TAFA2: variants seen among roughly 807,000 people sequenced by gnomAD.
TAFA2 encodes the protein chemokine-like protein TAFA-2.
In TAFA2, 7 loss-of-function variants were observed where a neutral mutation model predicts 18.8. That is an observed-to-expected ratio of 0.37 (90% CI 0.21 to 0.70). The LOEUF (loss-of-function observed/expected upper bound fraction) is 0.70. Among genes scored for constraint, TAFA2 ranks in the 30% least tolerant of loss-of-function variants. The pLI, the probability that TAFA2 is intolerant of heterozygous loss-of-function variation, is 0.53. For synonymous variants in TAFA2, 60 were observed against 54.2 expected, an observed-to-expected ratio of 1.11 and a Z score of -0.47; for missense variants, 122 against 158.1, an observed-to-expected ratio of 0.77 and a Z score of 1.23.
intron 1 of TAFA2, among the ~76,000 whole-genome samples, chr12:62,119,536 T>A (rs1870104999): frequency 6.6e-6 from 1 of 152,182 alleles, no homozygotes; most frequent in African/African-American, 2.4e-5. Flanking sequence ...GCTCCACATA[T>A]CCACTTCTAT....
At chr12:61,934,683 A>G (rs928222378) in intron 1 of TAFA2, among the ~76,000 whole-genome samples, 1 of 152,236 alleles carries the variant, frequency 6.6e-6, no homozygotes, top group African/African-American at 2.4e-5. Context: ...CACTTGAAAG[A>G]GATGCTCTTC....
At chr12:61,717,156 G>T (rs921253980) in intron 4 of TAFA2, among the ~76,000 whole-genome samples, 4 of 152,172 alleles carry the variant, frequency 2.6e-5, no homozygotes, top group African/African-American at 9.6e-5. Context: ...GCAGTAGCAG[G>T]TTTTCTCATT....
At chr12:62,155,789 C>G (rs1476010304) in intron 1 of TAFA2, among the ~76,000 whole-genome samples, 2 of 152,122 alleles carry the variant, frequency 1.3e-5, no homozygotes, top group African/African-American at 4.8e-5. Flanking sequence ...ATACAAAAAT[C>G]AACTCAAGAT....
chr12:61,802,631 G>A (rs1325821358), intron 2 of TAFA2, among the ~76,000 whole-genome samples: 1 of 151,848 alleles, frequency 6.6e-6, no homozygotes, highest in Non-Finnish European at 1.5e-5. Flanking sequence ...ATGATAAGAA[G>A]AGGTTAGGCA....
In TAFA2 at chr12:62,235,314, G is replaced by A. The variant is rs77821926; in HGVS notation, c.-130+23449C>T. 2.5e-3 allele frequency: 1,704 copies of A among 668,350 alleles called. 18 individuals carry two copies. The African/African-American group carries it at 0.026, about 10-fold the overall frequency. The allele number at this position is 668,350 out of a possible 1,614,324, so 41.4% of individuals were successfully genotyped here. A position where few individuals can be genotyped will look rare whatever the true frequency, so the allele number is the denominator to read the frequency against. On this transcript the variant is annotated intron_variant, in intron 1 of 5. Coordinates refer to the TAFA2 transcript ENST00000551619. ...CTCAACAGACAACAAGGGGGCCCTC[G>A]GCATCTCTGTCCTGTGAGGAAAGTG...
chr12:61,977,161 T>C (rs552719029), intron 1 of TAFA2, among the ~76,000 whole-genome samples: 1 of 152,080 alleles, frequency 6.6e-6, no homozygotes, highest in Non-Finnish European at 1.5e-5. Flanking sequence ...ATTTGCATTA[T>C]AAACTACATA....
chr12:61,818,602 G>A (rs1238247401), intron 2 of TAFA2, among the ~76,000 whole-genome samples: 1 of 151,898 alleles, frequency 6.6e-6, no homozygotes, highest in Non-Finnish European at 1.5e-5. Context: ...TGAGGCAGGT[G>A]GTAATGGAAC....
chr12:61,888,814 G>C (rs1486206321), intron 1 of TAFA2, among the ~76,000 whole-genome samples: 1 of 152,144 alleles, frequency 6.6e-6, no homozygotes, highest in African/African-American at 2.4e-5. Context: ...TTAGTGAAAA[G>C]GTCCCAGAAA....
intron 2 of TAFA2, among the ~76,000 whole-genome samples, chr12:61,849,599 A>G (rs2121155884): frequency 6.6e-6 from 1 of 152,330 alleles, no homozygotes. Context: ...TAAATGTGGA[A>G]AACTAGAAAC....
intron 2 of TAFA2, among the ~76,000 whole-genome samples, chr12:61,813,898 C>T (rs1211063335): frequency 1.3e-5 from 2 of 151,430 alleles, no homozygotes; most frequent in Non-Finnish European, 2.9e-5. Flanking sequence ...ATATAATACA[C>T]TCTCAATAGG....
At chr12:62,155,395 T>C (rs1303919357) in intron 1 of TAFA2, among the ~76,000 whole-genome samples, 2 of 152,098 alleles carry the variant, frequency 1.3e-5, no homozygotes, top group East Asian at 1.9e-4. Context: ...ACAAATTCAA[T>C]GCAATCCCCA....
chr12:61,737,594 A>C (rs1048768301), intron 4 of TAFA2, among the ~76,000 whole-genome samples: 13 of 151,924 alleles, frequency 8.6e-5, no homozygotes, highest in Non-Finnish European at 1.8e-4. Context: ...TCACTAAAAA[A>C]AAAAACTTAG....
At chr12:62,144,882 C>T (rs1347761054) in intron 1 of TAFA2, among the ~76,000 whole-genome samples, 2 of 152,172 alleles carry the variant, frequency 1.3e-5, no homozygotes, top group Non-Finnish European at 2.9e-5. Flanking sequence ...ACCAAATGAA[C>T]TTGCCTTGAT....
At chr12:61,813,902 C>T (rs1871973896) in intron 2 of TAFA2, among the ~76,000 whole-genome samples, 1 of 151,450 alleles carries the variant, frequency 6.6e-6, no homozygotes, top group Non-Finnish European at 1.5e-5. Flanking sequence ...AATACACTCT[C>T]AATAGGAGTT....
At chr12:62,224,121 A>ACACACACAC (rs61702534) in intron 1 of TAFA2, among the ~76,000 whole-genome samples, 1 of 147,906 alleles carries the variant, frequency 6.8e-6, no homozygotes, top group Admixed American at 6.8e-5. Flanking sequence ...ACACACACAC[A>ACACACACAC]ATGGAATATT....
At chr12:62,162,092 C>T (rs1275127058) in intron 1 of TAFA2, among the ~76,000 whole-genome samples, 1 of 152,104 alleles carries the variant, frequency 6.6e-6, no homozygotes, top group Non-Finnish European at 1.5e-5. Flanking sequence ...CTAAATAAGA[C>T]TTTTGCTAGT....
intron 2 of TAFA2, among the ~76,000 whole-genome samples, chr12:61,863,226 G>A (rs2121204267): frequency 6.6e-6 from 1 of 152,296 alleles, no homozygotes; most frequent in African/African-American, 2.4e-5. Flanking sequence ...GAGAGAGAGA[G>A]AAAAGGAGTT....
At chr12:62,157,487 T>A (rs2062378520) in intron 1 of TAFA2, among the ~76,000 whole-genome samples, 1 of 152,152 alleles carries the variant, frequency 6.6e-6, no homozygotes, top group Non-Finnish European at 1.5e-5. Context: ...TTGGAAAGCA[T>A]CTGAAAACAC....
upstream of TAFA2, among the ~76,000 whole-genome samples, chr12:62,193,342 T>C (rs2062635636): frequency 1.3e-5 from 2 of 152,212 alleles, no homozygotes; most frequent in South Asian, 4.1e-4. Flanking sequence ...GAGCCAGTTT[T>C]CATACCTCTT....
Sources: allele counts gnomAD v4.1 joint callset (sites outside exome capture counted in the v4.1 genomes callset), GRCh38; gene constraint gnomAD v4.1.1; transcripts MANE v1.5; gene names NCBI Gene and HGNC (gene_info 2026-07-23, HGNC 2026-07-21).